CSMD1: variants seen among roughly 807,000 people sequenced by gnomAD.
CSMD1 encodes CUB and Sushi multiple domains 1.
Under a neutral mutation model 417.5 loss-of-function variants are expected in CSMD1, and 213 were observed. The observed-to-expected ratio is 0.51, with a 90% CI of 0.46 to 0.57. CSMD1 has a LOEUF of 0.57. Among genes scored for constraint, CSMD1 ranks in the 20% least tolerant of loss-of-function variants. The pLI is 0.00. For missense variants in CSMD1, 6,923 were observed against 4,529.7 expected (o/e 1.53, Z -15.17); for synonymous variants, 2,862 against 1,736.8 (o/e 1.65, Z -16.11).
chr8:4,336,145 C>A (rs28662857), intron 3 of CSMD1, among the ~76,000 whole-genome samples: 12,570 of 152,138 alleles, frequency 0.083, 1,584 homozygotes, highest in African/African-American at 0.28. Context: ...TCACTTTAAG[C>A]TCTACCCTGA....
intron 1 of CSMD1, among the ~76,000 whole-genome samples, chr8:4,894,421 A>G (rs2117014432): frequency 6.6e-6 from 1 of 151,954 alleles, no homozygotes; most frequent in East Asian, 1.9e-4. Flanking sequence ...ATTTCAGGTT[A>G]TGTATTTTGC....
intron 8 of CSMD1, among the ~76,000 whole-genome samples, chr8:3,590,122 T>C (rs116403180): frequency 0.011 from 1,735 of 152,018 alleles, 40 homozygotes; most frequent in African/African-American, 0.04. Context: ...TGTAGTAATA[T>C]AGAAAAAGAA....
chr8:3,262,178 CAT>C (rs1195602106), intron 26 of CSMD1, among the ~76,000 whole-genome samples: 10 of 89,476 alleles, frequency 1.1e-4, no homozygotes, highest in African/African-American at 4.5e-4. Context: ...AAATTATGCT[CAT>C]ATGAATATAT....
intron 3 of CSMD1, among the ~76,000 whole-genome samples, chr8:4,386,473 A>G (rs1224229381): frequency 1.3e-5 from 2 of 152,212 alleles, no homozygotes; most frequent in Non-Finnish European, 2.9e-5. Flanking sequence ...CATCAAAACC[A>G]CCTTATCTCC....
intron 10 of CSMD1, among the ~76,000 whole-genome samples, chr8:3,537,553 T>C (rs187034557): frequency 9.8e-5 from 15 of 152,334 alleles, no homozygotes; most frequent in East Asian, 5.8e-4. Flanking sequence ...CTTTTAAACA[T>C]TAATATTTGC....
chr8:3,876,693 T>G (rs941444570), intron 5 of CSMD1, among the ~76,000 whole-genome samples: 1 of 152,202 alleles, frequency 6.6e-6, no homozygotes, highest in Non-Finnish European at 1.5e-5. Context: ...CACTGTAGCC[T>G]TGACTTCCCA....
chr8:4,449,585 A>G (rs111770769), intron 2 of CSMD1, among the ~76,000 whole-genome samples: 1 of 152,190 alleles, frequency 6.6e-6, no homozygotes, highest in African/African-American at 2.4e-5. Context: ...AGCCATTCCC[A>G]TAATAGAGAT....
At chr8:3,175,600 C>CCCTCCCTT (rs1193359404) in intron 37 of CSMD1, among the ~76,000 whole-genome samples, 1 of 144,938 alleles carries the variant, frequency 6.9e-6, no homozygotes, top group African/African-American at 2.5e-5. Context: ...CTCCCTCCCT[C>CCCTCCCTT]CCTCCCTTCC....
chr8:4,116,347 G>C (rs927878970), intron 3 of CSMD1, among the ~76,000 whole-genome samples: 1 of 152,070 alleles, frequency 6.6e-6, no homozygotes, highest in African/African-American at 2.4e-5. Flanking sequence ...TATAAGGGTG[G>C]ATACATGTCA....
intron 10 of CSMD1, among the ~76,000 whole-genome samples, chr8:3,523,503 A>G (rs1291260589): frequency 6.6e-6 from 1 of 152,156 alleles, no homozygotes; most frequent in Non-Finnish European, 1.5e-5. Flanking sequence ...GGCAGCAGAA[A>G]GGTGATCTGA....
chr8:4,453,694 C>A (rs1349431090), intron 2 of CSMD1, among the ~76,000 whole-genome samples: 2 of 151,944 alleles, frequency 1.3e-5, no homozygotes, highest in African/African-American at 2.4e-5. Context: ...ACCATGCCTG[C>A]TTGGGTATGC....
At position 4,217,561 on chromosome 8, in the gene CSMD1, C is replaced by T. The variant is rs555499153; in HGVS notation, c.416-185462G>A. On this transcript the variant is annotated intron_variant, in intron 3 of 69. Transcript: ENST00000635120. ...GTCTTCTTGAATAAGGAAGGCTTTA[C>T]GCAGCAAAGGTGTGAGCTTGAAGGG... 2.9e-4 allele frequency among the ~76,000 whole-genome samples: 44 copies of T among 151,768 alleles called. 1 individual carries two copies. Among genetic ancestry groups the T allele is most frequent in the East Asian group, 9.7e-4 (5 of 5,148 alleles).
At chr8:3,399,996 A>G (rs1168636376) in intron 15 of CSMD1, among the ~76,000 whole-genome samples, 1 of 152,230 alleles carries the variant, frequency 6.6e-6, no homozygotes, top group African/African-American at 2.4e-5. Context: ...ATTAAAATAA[A>G]TAGCCACATG....
In CSMD1 at chr8:4,503,468, T is replaced by C. The variant is rs920160549; in HGVS notation, c.303-83403A>G. ...GTTTCCAAATAAATTTAGAAAAAGA[T>C]ACTTACCTATACATATTATTATATT... On this transcript the variant is annotated intron_variant, in intron 2 of 69. Transcript: ENST00000635120. Among the ~76,000 whole-genome samples the C allele has an allele frequency of 3.3e-5, 5 of 152,202 alleles. No homozygotes were observed. In the East Asian group the frequency reaches 9.6e-4, roughly 29 times the overall value.
At chr8:4,367,440 C>T (rs1053836558) in intron 3 of CSMD1, among the ~76,000 whole-genome samples, 1 of 152,088 alleles carries the variant, frequency 6.6e-6, no homozygotes, top group African/African-American at 2.4e-5. Context: ...GTACCAGTAC[C>T]ATGATGTTTT....
intron 3 of CSMD1, among the ~76,000 whole-genome samples, chr8:4,362,256 GA>G (rs1430046500): frequency 6.6e-6 from 1 of 152,082 alleles, no homozygotes; most frequent in Non-Finnish European, 1.5e-5. Flanking sequence ...CATGAGAGGG[GA>G]TTTCAACCAG....
At chr8:3,913,759 T>C (rs1808616162) in intron 5 of CSMD1, among the ~76,000 whole-genome samples, 2 of 152,118 alleles carry the variant, frequency 1.3e-5, no homozygotes, top group South Asian at 4.2e-4. Flanking sequence ...ACAGGATGAG[T>C]TCTTAAAGAG....
In CSMD1 at chr8:3,584,588, G is replaced by C. The variant is rs531710004; in HGVS notation, c.1222+1548C>G. Among the ~76,000 whole-genome samples, 4 of 152,292 alleles carry C rather than the reference G, an allele frequency of 2.6e-5. No homozygotes were observed. The East Asian group carries it at 7.7e-4, about 29-fold the overall frequency. On this transcript the variant is annotated intron_variant, in intron 9 of 69. Transcript: ENST00000635120. Reference sequence around the variant, plus strand: ...TACTGAGAAAGGGCTTTGAGTTTAAGATGAGAGTCAGGGCCAAGAAAGGCA... The same window carrying C: ...TACTGAGAAAGGGCTTTGAGTTTAACATGAGAGTCAGGGCCAAGAAAGGCA...
At chr8:3,465,916 G>C (rs1816768309) in intron 12 of CSMD1, among the ~76,000 whole-genome samples, 1 of 152,174 alleles carries the variant, frequency 6.6e-6, no homozygotes, top group African/African-American at 2.4e-5. Flanking sequence ...AAAATGTCGA[G>C]AGCTGTTGCC....
Sources: gnomAD v4.1 joint callset for allele counts (sites outside exome capture counted in the v4.1 genomes callset) on GRCh38, gnomAD v4.1.1 for gene constraint, MANE v1.5 for transcripts, NCBI Gene and HGNC (gene_info 2026-07-23, HGNC 2026-07-21) for gene names.